ZHX1: variants seen among roughly 807,000 people sequenced by gnomAD.
The protein encoded by ZHX1 is zinc fingers and homeoboxes 1, also known as zinc fingers and homeoboxes protein 1.
A neutral mutation model predicts 61.8 loss-of-function variants in ZHX1; 20 were observed. That is an observed-to-expected ratio of 0.32 (90% CI 0.23 to 0.47). The LOEUF is 0.47. ZHX1 is among the 20% of genes least tolerant of loss of function. The pLI is 1.00. For missense variants in ZHX1, 800 were observed against 1,034.8 expected (o/e 0.77, Z 3.11); for synonymous variants, 318 against 352.6 (o/e 0.90, Z 1.10).
rs747820185 is a variant in ZHX1 at position 123,253,716 on chromosome 8, C to T, written c.2231G>A (p.Gly744Glu). 6.2e-7 allele frequency: 1 copy of T among 1,614,234 alleles called. No homozygotes were observed. Among genetic ancestry groups the T allele is most frequent in the Non-Finnish European group, 8.5e-7 (1 of 1,180,042 alleles). The stretch of plus-strand genomic sequence containing the variant: ...TCCCCGTCCTTTGGGTCTCCCTCTC[C>T]CTCTTTTCCTAAGGGAAGACAGACC... Reference protein sequence around the residue: ...MNGLSSLRKRGRGRPKGRGRG... With the variant: ...MNGLSSLRKRERGRPKGRGRG... Residue 744 changes from glycine to glutamate, a missense_variant, in exon 3 of 4, where the codon GGG (glycine) becomes GAG (glutamate). Physicochemically the swap from Gly to Glu is moderately conservative, Grantham distance 98 (BLOSUM62 -2). Transcript: ENST00000395571.
chr8:123,263,594 G>A (rs1473251132), intron 2 of ZHX1, among the ~76,000 whole-genome samples: 8 of 152,120 alleles, frequency 5.3e-5, no homozygotes, highest in African/African-American at 1.9e-4. Flanking sequence ...CACTTTGGGA[G>A]GCCAAAGTGG....
intron 1 of ZHX1, among the ~76,000 whole-genome samples, chr8:123,272,734 T>C (rs1165735835): frequency 6.6e-6 from 1 of 152,176 alleles, no homozygotes; most frequent in African/African-American, 2.4e-5. Context: ...TGCTCTTATA[T>C]ATGTATACAC....
chr8:123,257,810 A>C (rs905722210), intron 2 of ZHX1, among the ~76,000 whole-genome samples: 1 of 152,070 alleles, frequency 6.6e-6, no homozygotes, highest in Admixed American at 6.5e-5. Flanking sequence ...CCCAGTTCCT[A>C]ACAGGTCATG....
intron 2 of ZHX1, among the ~76,000 whole-genome samples, chr8:123,257,907 T>G (rs1278261468): frequency 6.6e-6 from 1 of 152,196 alleles, no homozygotes; most frequent in African/African-American, 2.4e-5. Flanking sequence ...TCCTCCCGTT[T>G]ATTTTCTAGT....
rs776067036 is a variant in ZHX1 at position 123,255,989 on chromosome 8, C to G, written c.-43G>C. 3 of 1,536,480 alleles carry G rather than the reference C, an allele frequency of 2.0e-6. No individual in the cohort carries two copies. The highest frequency in any genetic ancestry group is 2.8e-5 in the African/African-American group (2 of 72,264). On this transcript the variant is annotated 5_prime_UTR_variant, in exon 3 of 4. Transcript: ENST00000395571. ...AAGCTCAGTGGTGATTAAAAAGCAT[C>G]GAGGCTTAAAACTGTTCAGTGTTCT...
In ZHX1 at chr8:123,250,292, AATTG is replaced by A. The variant is rs1825883212; in HGVS notation, c.*28_*31del. On this transcript the variant is annotated 3_prime_UTR_variant, in exon 4 of 4. Transcript: ENST00000395571. Reference sequence around the variant, plus strand: ...GTAAATCAGACATCTTGAGTTGAAGAATTGATTCTCCTTCAACGTTTTAGGCAGC... The same window carrying A: ...GTAAATCAGACATCTTGAGTTGAAGAATTCTCCTTCAACGTTTTAGGCAGC... 3 of 438,736 alleles carry A rather than the reference AATTG, an allele frequency of 6.8e-6. No individual in the cohort carries two copies. Among genetic ancestry groups the A allele is most frequent in the Admixed American group, 5.0e-5 (2 of 39,856 alleles). 27.2% of individuals were successfully genotyped at this position (438,736 alleles called of 1,614,324 possible).
At chr8:123,268,726 A>C (rs533538707) in intron 1 of ZHX1, among the ~76,000 whole-genome samples, 94 of 152,300 alleles carry the variant, frequency 6.2e-4, no homozygotes, top group African/African-American at 2.2e-3. Flanking sequence ...TCCTGAGCTC[A>C]AGTGATCTGC....
chr8:123,272,041 G>A (rs1039595832), intron 1 of ZHX1, among the ~76,000 whole-genome samples: 7 of 152,170 alleles, frequency 4.6e-5, no homozygotes, highest in African/African-American at 1.4e-4. Context: ...GAACATTGAG[G>A]AAACCAAAGA....
chr8:123,267,808 T>C (rs1214485556), intron 1 of ZHX1, among the ~76,000 whole-genome samples: 2 of 152,016 alleles, frequency 1.3e-5, no homozygotes, highest in Non-Finnish European at 2.9e-5. Context: ...TTGAGACCAG[T>C]CTGACCAACA....
In ZHX1 at chr8:123,254,240, G is replaced by C. The variant is rs377684815; in HGVS notation, c.1707C>G (p.Pro569=). ...QSWNPFPDFT[P]QKFKEKTAEQ... ...CTGCAGTTTTCTCTTTAAACTTTTG[G>C]GGAGTAAAGTCAGGAAAAGGATTCC... The change falls in exon 3 of 4, where the codon CCC becomes CCG. Residue 569 remains proline (P), a synonymous_variant. Coordinates refer to ENST00000395571, the MANE Select transcript of ZHX1 (RefSeq NM_007222.5). The surrounding 1 kb of genome is among the most constrained non-coding windows in gnomAD (Gnocchi z 4.1). 1.2e-6 allele frequency: 2 copies of C among 1,613,942 alleles called. No individual in the cohort carries two copies. Among genetic ancestry groups the C allele is most frequent in the Non-Finnish European group, 1.7e-6 (2 of 1,180,016 alleles).
chr8:123,259,232 C>A (rs1283543603), intron 2 of ZHX1, among the ~76,000 whole-genome samples: 1 of 152,186 alleles, frequency 6.6e-6, no homozygotes, highest in East Asian at 1.9e-4. Flanking sequence ...TATTAATAAT[C>A]CAGATCCCTA....
chr8:123,257,770 C>T (rs1237191471), intron 2 of ZHX1, among the ~76,000 whole-genome samples: 11 of 152,132 alleles, frequency 7.2e-5, no homozygotes, highest in Non-Finnish European at 1.6e-4. Flanking sequence ...GTAATGCTTG[C>T]TTGCCTACCT....
chr8:123,273,790 G>A (rs1293142119), intron 1 of ZHX1: 1 of 152,558 alleles, frequency 6.6e-6, no homozygotes, highest in African/African-American at 2.4e-5. Context: ...GCTCCCTCCG[G>A]CGGCGCCCTC....
At position 123,267,357 on chromosome 8, in the gene ZHX1, A is replaced by T. The variant is rs935999467; in HGVS notation, c.-310T>A. ...ATGTTTAGCTCAGGCCATCATTACC[A>T]ACAGGTCCAAAGCAGCAGTCTGTCT... On this transcript the variant is annotated 5_prime_UTR_variant, in exon 2 of 4. Coordinates refer to ENST00000395571, the MANE Select transcript of ZHX1 (RefSeq NM_007222.5). The T allele has an allele frequency of 5.2e-6, 7 of 1,351,104 alleles. No individual in the cohort carries two copies. In the African/African-American group the frequency reaches 1.0e-4, roughly 19 times the overall value. 83.7% of individuals were successfully genotyped at this position (1,351,104 alleles called of 1,614,324 possible). A position where few individuals can be genotyped will look rare whatever the true frequency, so the allele number is the denominator to read the frequency against.
At chr8:123,253,183 T>A in intron 3 of ZHX1, 139 bp downstream of exon 3, 1 of 608,820 alleles carries the variant, frequency 1.6e-6, no homozygotes, top group Non-Finnish European at 2.8e-6. Flanking sequence ...GCTATACTAG[T>A]GGTACCTAGT....
chr8:123,265,010 G>A (rs996356814), intron 2 of ZHX1, among the ~76,000 whole-genome samples: 24 of 150,462 alleles, frequency 1.6e-4, no homozygotes, highest in African/African-American at 5.3e-4. Flanking sequence ...CCAACATGGT[G>A]AAACCCTGTC....
Position 123,274,242 on chromosome 8 carries a change from C to G in ZHX1, c.-365G>C, listed in dbSNP as rs1040390560. ...CTGCAGGGGCCGCCGCGCCTCTCAG[C>G]GCCACGCCGCCGCCATCTTGCATTT... is the stretch of plus-strand genomic sequence containing the variant. On this transcript the variant is annotated 5_prime_UTR_variant, in exon 1 of 4. Transcript: ENST00000395571. 6.5e-6 allele frequency: 1 copy of G among 153,472 alleles called. No homozygotes were observed. Among genetic ancestry groups the G allele is most frequent in the Non-Finnish European group, 1.4e-5 (1 of 69,094 alleles). The allele number at this position is 153,472 out of a possible 1,614,324, so 9.5% of individuals were successfully genotyped here. A position where few individuals can be genotyped will look rare whatever the true frequency, so the allele number is the denominator to read the frequency against.
chr8:123,274,057 G>C (rs1345382837), intron 1 of ZHX1, 160 bp downstream of exon 1: 1 of 152,170 alleles, frequency 6.6e-6, no homozygotes, highest in African/African-American at 2.4e-5. Flanking sequence ...CGCCGCGAGC[G>C]GGCTCAGCCC....
intron 1 of ZHX1, among the ~76,000 whole-genome samples, chr8:123,271,315 CATAA>C (rs765071598): frequency 2.6e-5 from 4 of 152,206 alleles, no homozygotes; most frequent in Admixed American, 1.3e-4. Flanking sequence ...CTTATCACAA[CATAA>C]ATAAATATTT....
Sources: allele counts gnomAD v4.1 joint callset (sites outside exome capture counted in the v4.1 genomes callset), GRCh38; gene constraint gnomAD v4.1.1; non-coding constraint Gnocchi (gnomAD v3.1); transcripts MANE v1.5; gene names NCBI Gene and HGNC (gene_info 2026-07-23, HGNC 2026-07-21).